The following KLF8 variants were observed in gnomAD, a reference collection of about 807,000 sequenced individuals.
The protein encoded by KLF8 is KLF transcription factor 8.
Under a neutral mutation model 18.2 loss-of-function variants are expected in KLF8, and 10 were observed. That is an observed-to-expected ratio of 0.55 (90% confidence interval 0.34 to 0.93). The LOEUF is 0.93. Ranked by LOEUF, KLF8 falls within the 40% of genes least tolerant of loss-of-function variation. The probability of loss-of-function intolerance (pLI) is 0.02; values close to 1 mark genes in which losing one functional copy is unlikely to be tolerated. For missense variants in KLF8, 264 were observed against 277.9 expected (o/e 0.95, Z 0.36); for synonymous variants, 109 against 97.3 (o/e 1.12, Z -0.71).
the KLF8 span, among the ~76,000 whole-genome samples, chrX:56,183,555 G>C: frequency 2.5e-4 from 28 of 111,408 alleles, no homozygotes; most frequent in Non-Finnish European, 2.8e-4. Context: ...ACTCATGCTA[G>C]GATCTGTAGA....
the KLF8 span, among the ~76,000 whole-genome samples, chrX:56,070,832 T>G: frequency 8.9e-6 from 1 of 112,691 alleles, no homozygotes; most frequent in Non-Finnish European, 1.9e-5. Flanking sequence ...TGAATGTATC[T>G]AACTAAATAC....
the KLF8 span, among the ~76,000 whole-genome samples, chrX:55,975,286 G>T: frequency 9.0e-6 from 1 of 111,476 alleles, no homozygotes; most frequent in Non-Finnish European, 1.9e-5. Context: ...AATGCATTTG[G>T]CATGTTGGGA....
At chrX:55,915,609 A>T in the KLF8 span, among the ~76,000 whole-genome samples, 1 of 112,254 alleles carries the variant, frequency 8.9e-6, no homozygotes, top group African/African-American at 3.2e-5. Flanking sequence ...CAAAATTTGA[A>T]TTAATTGCCA....
chrX:55,977,138 G>A, the KLF8 span, among the ~76,000 whole-genome samples: 7 of 111,857 alleles, frequency 6.3e-5, no homozygotes, highest in Non-Finnish European at 1.3e-4. Flanking sequence ...CTCTGGCTAG[G>A]ACTTCTATAC....
chrX:56,118,024 C>T, the KLF8 span, among the ~76,000 whole-genome samples: 1 of 111,649 alleles, frequency 9.0e-6, no homozygotes, highest in South Asian at 3.8e-4. Context: ...TATAAGGGTG[C>T]TAATTCCATT....
the KLF8 span, among the ~76,000 whole-genome samples, chrX:56,081,854 A>G: frequency 3.6e-5 from 4 of 111,669 alleles, no homozygotes; most frequent in Non-Finnish European, 7.5e-5. Flanking sequence ...GTTGAATTCA[A>G]TTTACTAGTA....
the KLF8 span, among the ~76,000 whole-genome samples, chrX:56,125,671 T>C: frequency 8.9e-6 from 1 of 112,328 alleles, no homozygotes; most frequent in African/African-American, 3.2e-5. Flanking sequence ...AGAATATCCA[T>C]TACTCTAATT....
chrX:56,150,721 C>T, the KLF8 span, among the ~76,000 whole-genome samples: 7 of 111,044 alleles, frequency 6.3e-5, no homozygotes, highest in African/African-American at 2.3e-4. Context: ...TCTTTCTTCT[C>T]TTCCTCTTTA....
chrX:56,023,635 C>T, the KLF8 span, among the ~76,000 whole-genome samples: 1 of 107,615 alleles, frequency 9.3e-6, no homozygotes, highest in Non-Finnish European at 1.9e-5. Context: ...GTTATATACA[C>T]TGGTATTCAT....
intron 1 of KLF8, among the ~76,000 whole-genome samples, chrX:56,247,434 A>G (rs2066636903): frequency 1.8e-5 from 2 of 111,874 alleles, no homozygotes; most frequent in African/African-American, 6.5e-5. Context: ...GACTTTTTAA[A>G]CAGTGTACAC....
the KLF8 span, among the ~76,000 whole-genome samples, chrX:55,941,345 C>T: frequency 8.9e-6 from 1 of 112,050 alleles, no homozygotes; most frequent in Non-Finnish European, 1.9e-5. Context: ...GGATCCCTTC[C>T]TTACACCTTA....
chrX:55,933,991 G>A, the KLF8 span, among the ~76,000 whole-genome samples: 1 of 112,034 alleles, frequency 8.9e-6, no homozygotes, highest in Non-Finnish European at 1.9e-5. Flanking sequence ...TAAGATAAAT[G>A]TTTATTTCAG....
chrX:56,079,391 C>T, the KLF8 span, among the ~76,000 whole-genome samples: 14 of 111,259 alleles, frequency 1.3e-4, no homozygotes, highest in Admixed American at 3.8e-4. Context: ...GCCTTCATTT[C>T]GTTATGTACC....
rs1394907655 is a variant in KLF8 at position 56,288,120 on chromosome X, C to A, written c.*3626C>A. Among the ~76,000 whole-genome samples the A allele has an allele frequency of 1.0e-5, 1 of 96,098 alleles. No individual in the cohort carries two copies. Among genetic ancestry groups the A allele is most frequent in the Non-Finnish European group, 1.9e-5 (1 of 52,353 alleles). 83.4% of individuals were successfully genotyped at this position (96,098 alleles called of 115,157 possible). A position where few individuals can be genotyped will look rare whatever the true frequency, so the allele number is the denominator to read the frequency against. ...GGCGTAGTGGTGGGTGCCTGTAATC[C>A]CAGCAATACTTGAGAGGCTGAGGCA... On this transcript the variant is annotated 3_prime_UTR_variant, in exon 6 of 6. Coordinates refer to ENST00000468660, the MANE Select transcript of KLF8 (RefSeq NM_007250.5).
chrX:56,026,943 T>TG, the KLF8 span, among the ~76,000 whole-genome samples: 3 of 112,797 alleles, frequency 2.7e-5, no homozygotes, highest in Non-Finnish European at 1.9e-5. Context: ...AGAGGGGTCT[T>TG]GCTTTGCATT....
chrX:56,046,423 G>A, the KLF8 span, among the ~76,000 whole-genome samples: 7 of 111,210 alleles, frequency 6.3e-5, no homozygotes, highest in Admixed American at 6.7e-4. Context: ...GTATTGAGAT[G>A]TCAGGTACTA....
the KLF8 span, among the ~76,000 whole-genome samples, chrX:56,028,711 T>TGTGTG: frequency 9.0e-6 from 1 of 111,523 alleles, no homozygotes; most frequent in South Asian, 3.8e-4. Context: ...CCAAGTGTAC[T>TGTGTG]GTGTGGTGAC....
the KLF8 span, among the ~76,000 whole-genome samples, chrX:56,213,297 TTCTTTTCTTTTCTTTTC>T: frequency 1.0e-4 from 5 of 48,043 alleles, no homozygotes; most frequent in African/African-American, 4.3e-4. Context: ...TTCTTTTCTT[TTCTTTTCTTTTCTTTTC>T]TTTTTTTTTT....
At chrX:55,960,191 T>C in the KLF8 span, among the ~76,000 whole-genome samples, 1 of 112,318 alleles carries the variant, frequency 8.9e-6, no homozygotes, top group Non-Finnish European at 1.9e-5. Flanking sequence ...AAGCAAGTGA[T>C]AGGAGAATTC....
Sources: gnomAD v4.1 joint callset for allele counts (sites outside exome capture counted in the v4.1 genomes callset) on GRCh38, gnomAD v4.1.1 for gene constraint, MANE v1.5 for transcripts, NCBI Gene and HGNC (gene_info 2026-07-23, HGNC 2026-07-21) for gene names.